Variants in DIAPH2 observed in about 807,000 individuals in gnomAD.
DIAPH2 encodes protein diaphanous homolog 2.
DIAPH2 carries 35 observed loss-of-function variants against 92.7 expected under a neutral mutation model. The ratio of observed to expected loss-of-function variants is 0.38; its 90% CI spans 0.29 to 0.50. DIAPH2 has a LOEUF of 0.50. Among genes scored for constraint, DIAPH2 ranks in the 20% least tolerant of loss-of-function variants. The pLI, the probability that DIAPH2 is intolerant of heterozygous loss-of-function variation, is 0.94. For missense variants in DIAPH2, 701 were observed against 819.5 expected (o/e 0.86, Z 1.77); for synonymous variants, 301 against 280.4 (o/e 1.07, Z -0.73).
intron 5 of DIAPH2, among the ~76,000 whole-genome samples, chrX:96,891,394 G>C (rs1022143082): frequency 8.9e-6 from 1 of 111,904 alleles, no homozygotes; most frequent in South Asian, 3.7e-4. Context: ...ATCACAAATT[G>C]CATTAGACTT....
chrX:97,047,863 T>C (rs2066495378), intron 17 of DIAPH2, among the ~76,000 whole-genome samples: 1 of 110,455 alleles, frequency 9.1e-6, no homozygotes, highest in Non-Finnish European at 1.9e-5. Context: ...TAATATTATG[T>C]GGTATATATC....
chrX:97,465,979 C>T (rs935712068), intron 26 of DIAPH2, among the ~76,000 whole-genome samples: 5 of 111,897 alleles, frequency 4.5e-5, no homozygotes, highest in East Asian at 5.6e-4. Context: ...TGAGCCACCA[C>T]GCTTGGTCCC....
chrX:96,725,166 T>C (rs2064013357), intron 1 of DIAPH2, among the ~76,000 whole-genome samples: 1 of 112,396 alleles, frequency 8.9e-6, no homozygotes, highest in African/African-American at 3.2e-5. Context: ...ATTGTGATAT[T>C]ATTTGTAAAA....
At chrX:97,141,221 T>C (rs2067206834) in intron 21 of DIAPH2, among the ~76,000 whole-genome samples, 1 of 111,308 alleles carries the variant, frequency 9.0e-6, no homozygotes, top group African/African-American at 3.2e-5. Context: ...TAAAATGTGC[T>C]TGCTCCTTTA....
chrX:97,045,849 T>TA (rs1491258914), intron 17 of DIAPH2, among the ~76,000 whole-genome samples: 1 of 30,727 alleles, frequency 3.3e-5, no homozygotes, highest in Non-Finnish European at 6.6e-5. Flanking sequence ...TATTTTAGGA[T>TA]TTTTTTTTTT....
intron 5 of DIAPH2, among the ~76,000 whole-genome samples, chrX:96,888,583 A>ATATATATC (rs199711382): frequency 8.1e-5 from 8 of 98,810 alleles, no homozygotes; most frequent in African/African-American, 1.8e-4. Flanking sequence ...ATATATATCT[A>ATATATATC]TATATATACA....
intron 24 of DIAPH2, among the ~76,000 whole-genome samples, chrX:97,353,445 T>G (rs368748423): frequency 1.1e-3 from 125 of 111,381 alleles, no homozygotes; most frequent in African/African-American, 3.7e-3. Context: ...ACTTCTTTTC[T>G]GTTTTAAATC....
intron 17 of DIAPH2, among the ~76,000 whole-genome samples, chrX:96,989,905 A>G (rs1465650715): frequency 8.9e-6 from 1 of 112,194 alleles, no homozygotes; most frequent in Non-Finnish European, 1.9e-5. Flanking sequence ...TAGAAGTGAC[A>G]TCGTAATAGT....
At chrX:97,473,316 T>C (rs2070577452) in intron 26 of DIAPH2, among the ~76,000 whole-genome samples, 1 of 111,578 alleles carries the variant, frequency 9.0e-6, no homozygotes, top group African/African-American at 3.3e-5. Context: ...AGAATATTTC[T>C]TTTTTAAAAA....
At chrX:97,011,866 T>C (rs2066228431) in intron 17 of DIAPH2, among the ~76,000 whole-genome samples, 1 of 79,867 alleles carries the variant, frequency 1.3e-5, no homozygotes, top group Non-Finnish European at 2.2e-5. Context: ...CACTCCAGCC[T>C]GGTTGACAGA....
intron 4 of DIAPH2, among the ~76,000 whole-genome samples, chrX:96,874,865 G>A (rs2065168257): frequency 9.0e-6 from 1 of 111,452 alleles, no homozygotes. Flanking sequence ...TAACAATATG[G>A]ACACAGAATT....
At chrX:97,323,018 G>T (rs1161222587) in intron 23 of DIAPH2, among the ~76,000 whole-genome samples, 13 of 101,630 alleles carry the variant, frequency 1.3e-4, no homozygotes, top group Non-Finnish European at 2.4e-4. Context: ...TGATTCTCCT[G>T]CCTCTGCCTC....
At chrX:97,157,182 C>T (rs993517025) in intron 22 of DIAPH2, among the ~76,000 whole-genome samples, 2 of 110,335 alleles carry the variant, frequency 1.8e-5, no homozygotes, top group Non-Finnish European at 3.8e-5. Context: ...GGCATGGTGA[C>T]GCATGCCTGT....
At chrX:97,044,439 A>G (rs2066467447) in intron 17 of DIAPH2, among the ~76,000 whole-genome samples, 1 of 111,516 alleles carries the variant, frequency 9.0e-6, no homozygotes, top group East Asian at 2.8e-4. Context: ...ATGTTTGATG[A>G]CCTACCTCAT....
intron 19 of DIAPH2, among the ~76,000 whole-genome samples, chrX:97,079,596 C>G (rs2066727439): frequency 9.0e-6 from 1 of 110,770 alleles, no homozygotes; most frequent in Non-Finnish European, 1.9e-5. Flanking sequence ...GAGGCTGAGA[C>G]TGAAAATAAG....
intron 23 of DIAPH2, among the ~76,000 whole-genome samples, chrX:97,334,029 A>C (rs1264759826): frequency 2.7e-5 from 3 of 111,616 alleles, no homozygotes; most frequent in African/African-American, 6.5e-5. Flanking sequence ...TCTGATTAAA[A>C]ATATTGATAA....
At chrX:96,909,562 A>G in intron 5 of DIAPH2, among the ~76,000 whole-genome samples, 1 of 110,824 alleles carries the variant, frequency 9.0e-6, no homozygotes, top group Non-Finnish European at 1.9e-5. Context: ...GCGCATCGTC[A>G]TCGTTCGTAA....
intron 24 of DIAPH2, 42 bp downstream of exon 24, chrX:97,348,322 T>A (rs912176393): frequency 6.6e-6 from 7 of 1,064,865 alleles, no homozygotes; most frequent in Non-Finnish European, 8.8e-6. Context: ...CTGTTGCTTA[T>A]ATTTCTGAAT....
At chrX:97,260,286 T>C (rs1212404156) in intron 23 of DIAPH2, among the ~76,000 whole-genome samples, 1 of 112,880 alleles carries the variant, frequency 8.9e-6, no homozygotes, top group African/African-American at 3.2e-5. Flanking sequence ...AAGGAGATTT[T>C]ACTTTGCTAA....
Sources: allele counts gnomAD v4.1 joint callset (sites outside exome capture counted in the v4.1 genomes callset), GRCh38; gene constraint gnomAD v4.1.1; transcripts MANE v1.5; gene names NCBI Gene and HGNC (gene_info 2026-07-23, HGNC 2026-07-21).